Variants in SWAP70 observed in about 807,000 individuals in gnomAD.
SWAP70 encodes the protein switching B cell complex subunit SWAP70, also known as switch-associated protein 70.
SWAP70 carries 34 observed loss-of-function variants against 80.2 expected under a neutral mutation model. That is an observed-to-expected ratio of 0.42 (90% CI 0.32 to 0.56). SWAP70 has a LOEUF of 0.56. Among genes scored for constraint, SWAP70 ranks in the 20% least tolerant of loss-of-function variants. The pLI, the probability that SWAP70 is intolerant of heterozygous loss-of-function variation, is 0.09. For synonymous variants in SWAP70, 239 were observed against 238.5 expected (o/e 1.00, Z -0.02); for missense variants, 578 against 690.7 (o/e 0.84, Z 1.83).
intron 9 of SWAP70, among the ~76,000 whole-genome samples, chr11:9,742,787 A>G (rs1224128896): frequency 6.6e-6 from 1 of 151,904 alleles, no homozygotes; most frequent in Non-Finnish European, 1.5e-5. Context: ...AAGGGAAGTC[A>G]TCCTGGAGTT....
intron 3 of SWAP70, among the ~76,000 whole-genome samples, chr11:9,716,634 A>G (rs1399892437): frequency 6.6e-6 from 1 of 152,180 alleles, no homozygotes; most frequent in Non-Finnish European, 1.5e-5. Flanking sequence ...TGCTCACTAA[A>G]AGGGGTGTGT....
intron 1 of SWAP70, among the ~76,000 whole-genome samples, chr11:9,665,924 C>T (rs1336891258): frequency 6.6e-6 from 1 of 151,182 alleles, no homozygotes; most frequent in Non-Finnish European, 1.5e-5. Context: ...TTCATTCTGA[C>T]AATCTCTGTC....
rs762798808 is a variant in SWAP70, at chr11:9,664,156, T to TG, written c.-22dup. 6.4e-7 allele frequency: 1 copy of TG among 1,550,888 alleles called. No individual in the cohort carries two copies. The highest frequency in any genetic ancestry group is 1.2e-5 in the South Asian group (1 of 83,296). ...GAGGGGCTGGCTGGGCAGGAGGGGT[T>TG]GGCGGGGCAGCAGGGCCGCGGCCAT... On this transcript the variant is annotated 5_prime_UTR_variant, in exon 1 of 12. Coordinates refer to ENST00000318950, the MANE Select transcript of SWAP70 (RefSeq NM_015055.4).
chr11:9,708,687 CT>C (rs1416577033), intron 2 of SWAP70, among the ~76,000 whole-genome samples: 5 of 152,212 alleles, frequency 3.3e-5, no homozygotes, highest in African/African-American at 7.2e-5. Context: ...CTTAGAATCA[CT>C]TCTTGTTCTC....
intron 1 of SWAP70, among the ~76,000 whole-genome samples, chr11:9,682,903 C>A (rs1004616339): frequency 1.3e-5 from 2 of 152,200 alleles, no homozygotes; most frequent in Non-Finnish European, 2.9e-5. Flanking sequence ...TCTCAAACTC[C>A]TGGCCTGAAG....
intron 10 of SWAP70, among the ~76,000 whole-genome samples, chr11:9,748,478 C>A (rs1851540780): frequency 6.6e-6 from 1 of 152,164 alleles, no homozygotes; most frequent in South Asian, 2.1e-4. Context: ...AGAGGGTGCA[C>A]AGATGGCAGA....
chr11:9,743,557 A>C (rs982223254), intron 9 of SWAP70, among the ~76,000 whole-genome samples: 1 of 151,338 alleles, frequency 6.6e-6, no homozygotes. Context: ...CCTCTCTAGC[A>C]CCTGTTGTTT....
In SWAP70 at chr11:9,743,132, G is replaced by A. The variant is rs1295631577; in HGVS notation, c.1355+2785G>A. Among the ~76,000 whole-genome samples, 3 of 143,860 alleles carry A rather than the reference G, an allele frequency of 2.1e-5. No homozygotes were observed. In the Admixed American group the frequency reaches 2.2e-4, roughly 11 times the overall value. The allele number at this position is 143,860 out of a possible 152,430, so 94.4% of individuals were successfully genotyped here. ...TTCTCATTGTTCAGTTCCCACCTAT[G>A]AGTGAGAATATGCGGTGTTTGGTTT... On this transcript the variant is annotated intron_variant, in intron 9 of 11. Coordinates refer to ENST00000318950, the MANE Select transcript of SWAP70 (RefSeq NM_015055.4).
intron 3 of SWAP70, among the ~76,000 whole-genome samples, chr11:9,722,652 T>A (rs1851154589): frequency 6.6e-6 from 1 of 152,074 alleles, no homozygotes; most frequent in Non-Finnish European, 1.5e-5. Flanking sequence ...TAAATACCAA[T>A]TAACTGGGTC....
rs960976337 is a variant in SWAP70, at chr11:9,704,326, C to T, written c.241-9140C>T. Among the ~76,000 whole-genome samples the T allele has an allele frequency of 4.0e-5, 6 of 151,526 alleles. No individual in the cohort carries two copies. The South Asian group carries it at 1.2e-3, about 32-fold the overall frequency. On this transcript the variant is annotated intron_variant, in intron 2 of 11. Coordinates refer to ENST00000318950, the MANE Select transcript of SWAP70 (RefSeq NM_015055.4). ...TTAGATGCTTCTTGGGACCACGAGCCATGGCTGCATTAGGCAAGGAAAGAG... is the reference window on the plus strand; with the variant it reads ...TTAGATGCTTCTTGGGACCACGAGCTATGGCTGCATTAGGCAAGGAAAGAG...
At chr11:9,685,008 C>A (rs577913626) in intron 1 of SWAP70, among the ~76,000 whole-genome samples, 68 of 152,154 alleles carry the variant, frequency 4.5e-4, no homozygotes, top group South Asian at 2.1e-4. Flanking sequence ...AATCTCCTCA[C>A]AAATCATTTA....
chr11:9,704,487 C>T (rs1207289926), intron 2 of SWAP70, among the ~76,000 whole-genome samples: 2 of 151,994 alleles, frequency 1.3e-5, no homozygotes, highest in African/African-American at 2.4e-5. Context: ...CTCCACCTCC[C>T]GGGTTCAAGT....
chr11:9,718,809 A>T (rs1851097831), intron 3 of SWAP70, among the ~76,000 whole-genome samples: 1 of 152,126 alleles, frequency 6.6e-6, no homozygotes, highest in African/African-American at 2.4e-5. Context: ...TAATTAATAC[A>T]ATGTAAAATA....
intron 2 of SWAP70, among the ~76,000 whole-genome samples, chr11:9,698,698 C>T (rs754628764): frequency 1.9e-4 from 29 of 152,172 alleles, no homozygotes; most frequent in Non-Finnish European, 1.3e-4. Context: ...AGCCATTGTG[C>T]CCAACCTCAA....
intron 1 of SWAP70, among the ~76,000 whole-genome samples, chr11:9,693,233 TG>T (rs1475299823): frequency 6.6e-6 from 1 of 152,246 alleles, no homozygotes; most frequent in African/African-American, 2.4e-5. Context: ...CTATGTAATT[TG>T]ACCTGTTCAG....
intron 11 of SWAP70, among the ~76,000 whole-genome samples, 164 bp downstream of exon 11, chr11:9,749,347 T>C (rs58217715): frequency 0.099 from 15,099 of 152,076 alleles, 1,899 homozygotes; most frequent in East Asian, 0.28. Context: ...CCTGGGTTCA[T>C]GCCATTCTCC....
intron 1 of SWAP70, among the ~76,000 whole-genome samples, chr11:9,672,020 AAT>A (rs1158030844): frequency 3.4e-5 from 4 of 119,344 alleles, no homozygotes; most frequent in Non-Finnish European, 6.4e-5. Context: ...ATATTTTAAT[AAT>A]ATATATTTTA....
At chr11:9,716,595 T>C (rs530933716) in intron 3 of SWAP70, among the ~76,000 whole-genome samples, 1 of 152,310 alleles carries the variant, frequency 6.6e-6, no homozygotes, top group South Asian at 2.1e-4. Flanking sequence ...ATGTGAAACA[T>C]TTATTAAAGT....
At chr11:9,714,886 T>A (rs1475595724) in intron 3 of SWAP70, among the ~76,000 whole-genome samples, 1 of 149,996 alleles carries the variant, frequency 6.7e-6, no homozygotes, top group Non-Finnish European at 1.5e-5. Context: ...AATCTCGGCT[T>A]ATTGCAGCCT....
Sources: allele counts gnomAD v4.1 joint callset (sites outside exome capture counted in the v4.1 genomes callset), GRCh38; gene constraint gnomAD v4.1.1; transcripts MANE v1.5; gene names NCBI Gene and HGNC (gene_info 2026-07-23, HGNC 2026-07-21).